The following PHACTR3 variants were observed in gnomAD, a reference collection of about 807,000 sequenced individuals.
The protein encoded by PHACTR3 is protein phosphatase 1, regulatory subunit 123.
A neutral mutation model predicts 66.8 loss-of-function variants in PHACTR3; 16 were observed. That is an observed-to-expected ratio of 0.24 (90% confidence interval 0.16 to 0.36). The LOEUF (loss-of-function observed/expected upper bound fraction) is 0.36, where lower values mean the gene tolerates loss of function less well. Among genes scored for constraint, PHACTR3 ranks in the 10% least tolerant of loss-of-function variants. The pLI is 1.00. For missense variants in PHACTR3, 647 were observed against 719.9 expected (o/e 0.90, Z 1.16); for synonymous variants, 323 against 292.1 (o/e 1.11, Z -1.08).
chr20:59,629,399 T>C (rs2034583714), intron 1 of PHACTR3, among the ~76,000 whole-genome samples: 1 of 152,220 alleles, frequency 6.6e-6, no homozygotes, highest in Non-Finnish European at 1.5e-5. Flanking sequence ...TGAGCTCATC[T>C]CCTGTGGCTG....
At chr20:59,718,679 A>G (rs2038183252) in intron 1 of PHACTR3, among the ~76,000 whole-genome samples, 1 of 152,316 alleles carries the variant, frequency 6.6e-6, no homozygotes, top group Non-Finnish European at 1.5e-5. Flanking sequence ...GAAATTGCCA[A>G]TTTTGTGGGT....
chr20:59,807,780 T>A (rs1182526), intron 8 of PHACTR3, among the ~76,000 whole-genome samples: 69,865 of 152,022 alleles, frequency 0.46, 17,963 homozygotes, highest in African/African-American at 0.71. Flanking sequence ...GACAACTATC[T>A]TATATGTGTC....
At chr20:59,766,564 A>C (rs774918246) in intron 4 of PHACTR3, among the ~76,000 whole-genome samples, 1 of 152,154 alleles carries the variant, frequency 6.6e-6, no homozygotes, top group African/African-American at 2.4e-5. Flanking sequence ...AGCCTGAATC[A>C]GCAGCTAGAA....
At chr20:59,663,101 G>A (rs546587995) in intron 1 of PHACTR3, among the ~76,000 whole-genome samples, 15 of 152,334 alleles carry the variant, frequency 9.8e-5, no homozygotes, top group African/African-American at 3.1e-4. Context: ...CCGTGTCACC[G>A]CAGCCTCTGG....
Position 59,747,944 on chromosome 20 carries a change from G to C in PHACTR3, c.358+109G>C. 1.7e-6 allele frequency: 2 copies of C among 1,179,904 alleles called. 1 individual carries two copies. The highest frequency in any genetic ancestry group is 2.8e-5 in the South Asian group (2 of 70,604). 73.1% of individuals were successfully genotyped at this position (1,179,904 alleles called of 1,614,324 possible). ...TCAGAAACAGTGTAGAATCCAAGGA[G>C]GGCCGTGTTCAGATGAAGCCTGCAA... On this transcript the variant is annotated intron_variant, in intron 3 of 12. Coordinates refer to ENST00000371015, the MANE Select transcript of PHACTR3 (RefSeq NM_080672.5).
intron 1 of PHACTR3, among the ~76,000 whole-genome samples, chr20:59,649,875 T>C (rs902825862): frequency 1.3e-5 from 2 of 152,174 alleles, no homozygotes; most frequent in Non-Finnish European, 2.9e-5. Context: ...GGTCCAAAGG[T>C]AAATTTGGCA....
intron 1 of PHACTR3, chr20:59,626,632 G>C (rs1448763955): frequency 2.6e-5 from 4 of 152,460 alleles, no homozygotes; most frequent in Non-Finnish European, 5.9e-5. Context: ...ACAATGCCAA[G>C]AGGTGGCCAG....
intron 1 of PHACTR3, among the ~76,000 whole-genome samples, chr20:59,713,064 A>G (rs1481377061): frequency 6.6e-6 from 1 of 152,250 alleles, no homozygotes; most frequent in Non-Finnish European, 1.5e-5. Context: ...AGTTTGCCTC[A>G]TTTCTCACAA....
At chr20:59,670,209 G>A (rs2036143862) in intron 1 of PHACTR3, among the ~76,000 whole-genome samples, 1 of 152,218 alleles carries the variant, frequency 6.6e-6, no homozygotes, top group Admixed American at 6.5e-5. Context: ...GATGACGAAT[G>A]TGGTGGGAAA....
intron 1 of PHACTR3, among the ~76,000 whole-genome samples, chr20:59,728,331 A>G (rs2038637919): frequency 6.6e-6 from 1 of 152,088 alleles, no homozygotes; most frequent in South Asian, 2.1e-4. Context: ...GTCATTGTGG[A>G]AAACAATTGG....
intron 7 of PHACTR3, among the ~76,000 whole-genome samples, chr20:59,778,856 T>C (rs1208635580): frequency 6.6e-6 from 1 of 152,138 alleles, no homozygotes. Flanking sequence ...AAACCCAGTG[T>C]CTGTAAGTGA....
chr20:59,579,940 A>T (rs964942895), intron 1 of PHACTR3, among the ~76,000 whole-genome samples: 2 of 151,952 alleles, frequency 1.3e-5, no homozygotes, highest in African/African-American at 4.8e-5. Context: ...GCATTCCTTC[A>T]CTTTCCGTGG....
intron 8 of PHACTR3, among the ~76,000 whole-genome samples, chr20:59,806,948 A>G (rs1159413912): frequency 6.6e-6 from 1 of 152,218 alleles, no homozygotes; most frequent in Non-Finnish European, 1.5e-5. Flanking sequence ...ATGACATACA[A>G]AATACAAAAT....
At chr20:59,599,858 A>C (rs1340695511), upstream of PHACTR3, among the ~76,000 whole-genome samples, 1 of 151,708 alleles carries the variant, frequency 6.6e-6, no homozygotes, top group Non-Finnish European at 1.5e-5. Flanking sequence ...GCTACCACTC[A>C]CCAGGATGAT....
intron 8 of PHACTR3, among the ~76,000 whole-genome samples, chr20:59,821,176 A>C (rs1214505266): frequency 6.6e-6 from 1 of 152,196 alleles, no homozygotes; most frequent in Non-Finnish European, 1.5e-5. Context: ...AGATTGGGTA[A>C]GATGCTCAAA....
At chr20:59,823,361 G>T (rs539707490) in intron 8 of PHACTR3, among the ~76,000 whole-genome samples, 1 of 152,204 alleles carries the variant, frequency 6.6e-6, no homozygotes, top group South Asian at 2.1e-4. Flanking sequence ...GGAACCTGCG[G>T]TAGATCCTTC....
intron 8 of PHACTR3, among the ~76,000 whole-genome samples, chr20:59,832,943 AC>A (rs2042428579): frequency 1.3e-5 from 2 of 152,054 alleles, no homozygotes; most frequent in South Asian, 4.1e-4. Flanking sequence ...CCTGCTTAGC[AC>A]CCTCACCTGG....
At chr20:59,798,106 A>G (rs2041306376) in intron 7 of PHACTR3, among the ~76,000 whole-genome samples, 1 of 152,224 alleles carries the variant, frequency 6.6e-6, no homozygotes, top group Non-Finnish European at 1.5e-5. Context: ...TAGGAGTTCA[A>G]GAAGCTGGCA....
At chr20:59,698,658 A>C (rs1367788374) in intron 1 of PHACTR3, among the ~76,000 whole-genome samples, 1 of 152,178 alleles carries the variant, frequency 6.6e-6, no homozygotes, top group East Asian at 1.9e-4. Context: ...AAAAGTTTGG[A>C]TATCTAATGA....
Sources: allele counts gnomAD v4.1 joint callset (sites outside exome capture counted in the v4.1 genomes callset), GRCh38; gene constraint gnomAD v4.1.1; transcripts MANE v1.5; gene names NCBI Gene and HGNC (gene_info 2026-07-23, HGNC 2026-07-21).